SAP30BP: variants seen among roughly 807,000 people sequenced by gnomAD.
The protein encoded by SAP30BP is SAP30 binding protein.
In SAP30BP, 31 loss-of-function variants were observed where a neutral mutation model predicts 46.3. That is an observed-to-expected ratio of 0.67 (90% CI 0.50 to 0.90). The LOEUF (loss-of-function observed/expected upper bound fraction) is 0.90, where lower values mean the gene tolerates loss of function less well. SAP30BP is among the 40% of genes least tolerant of loss of function. The probability of loss-of-function intolerance (pLI) is 0.00; values close to 1 mark genes in which losing one functional copy is unlikely to be tolerated. For missense variants in SAP30BP, 312 were observed against 391.0 expected, an observed-to-expected ratio of 0.80 and a Z score of 1.70; for synonymous variants, 169 against 144.2, an observed-to-expected ratio of 1.17 and a Z score of -1.23.
At chr17:75,680,660 G>A (rs190056009) in intron 3 of SAP30BP, among the ~76,000 whole-genome samples, 1 of 152,348 alleles carries the variant, frequency 6.6e-6, no homozygotes, top group East Asian at 1.9e-4. Flanking sequence ...CCCTTATCCT[G>A]TAGGTTAGAA....
At position 75,681,554 on chromosome 17, in the gene SAP30BP, C is replaced by A. The variant is rs532057917; in HGVS notation, c.264+9691C>A. Among the ~76,000 whole-genome samples the A allele has an allele frequency of 3.9e-5, 6 of 152,332 alleles. No individual in the cohort carries two copies. In the East Asian group the frequency reaches 7.7e-4, roughly 20 times the overall value. On this transcript the variant is annotated intron_variant, in intron 3 of 10. Transcript: ENST00000584667. ...CTTTTGAAGTACCAGAATCAAATAT[C>A]TGAAAACTGCCTAAGGGGCTAATCT...
At chr17:75,674,198 CCTT>C (rs1328102215) in intron 3 of SAP30BP, among the ~76,000 whole-genome samples, 1 of 152,138 alleles carries the variant, frequency 6.6e-6, no homozygotes, top group African/African-American at 2.4e-5. Context: ...GCCCTGTCAT[CCTT>C]CTGCTTGAGC....
At chr17:75,685,759 C>T (rs1420181752) in intron 3 of SAP30BP, among the ~76,000 whole-genome samples, 1 of 152,104 alleles carries the variant, frequency 6.6e-6, no homozygotes, top group African/African-American at 2.4e-5. Context: ...TGTGGGAAGC[C>T]TTGAAGGGAA....
chr17:75,696,547 TAAAAA>T (rs1181756216), intron 4 of SAP30BP, among the ~76,000 whole-genome samples: 1 of 134,816 alleles, frequency 7.4e-6, no homozygotes, highest in African/African-American at 2.7e-5. Flanking sequence ...CCATCTCAAT[TAAAAA>T]AAAAAAAAAG....
At chr17:75,671,087 G>A (rs1403367713) in intron 2 of SAP30BP, among the ~76,000 whole-genome samples, 2 of 152,160 alleles carry the variant, frequency 1.3e-5, no homozygotes, top group Non-Finnish European at 2.9e-5. Flanking sequence ...ATGCCTTACC[G>A]TGTGTGATCC....
At chr17:75,675,455 A>G (rs2059976618) in intron 3 of SAP30BP, among the ~76,000 whole-genome samples, 1 of 152,104 alleles carries the variant, frequency 6.6e-6, no homozygotes, top group Admixed American at 6.6e-5. Context: ...GGCCTCTACT[A>G]TGGTTTTTTA....
intron 3 of SAP30BP, among the ~76,000 whole-genome samples, chr17:75,674,442 G>A (rs1337628994): frequency 1.3e-5 from 2 of 151,594 alleles, no homozygotes; most frequent in African/African-American, 2.4e-5. Flanking sequence ...TTACAGGTGT[G>A]AGCCACCATG....
chr17:75,702,407 G>A, intron 5 of SAP30BP, 73 bp from the exon 6 acceptor site: 1 of 631,604 alleles, frequency 1.6e-6, no homozygotes, highest in Admixed American at 2.4e-5. Flanking sequence ...TGTAGCTGGT[G>A]ACCAGGGGCT....
intron 3 of SAP30BP, among the ~76,000 whole-genome samples, chr17:75,690,495 C>G (rs1042304833): frequency 2.0e-5 from 3 of 152,172 alleles, no homozygotes; most frequent in African/African-American, 7.2e-5. Flanking sequence ...CTCAGGTGAT[C>G]TCTCCTCAGC....
rs928832837 is a variant in SAP30BP, at chr17:75,699,835, G to A, written c.360G>A (p.Pro120=). The change falls in exon 5 of 11, where the codon CCG becomes CCA. Residue 120 remains proline, a synonymous_variant. Transcript: ENST00000584667. ...TGTCGCCTGATGAAATCAAGATCCC[G>A]CCAGAACCCCCTGGCAGATGTTCAA... is the stretch of plus-strand genomic sequence containing the variant. ...RNMSPDEIKI[P]PEPPGRCSNH... The A allele has an allele frequency of 1.4e-5, 22 of 1,612,928 alleles. No homozygotes were observed. Among genetic ancestry groups the A allele is most frequent in the African/African-American group, 4.0e-5 (3 of 74,876 alleles).
chr17:75,688,467 G>T (rs1022020660), intron 3 of SAP30BP, among the ~76,000 whole-genome samples: 1 of 152,064 alleles, frequency 6.6e-6, no homozygotes, highest in Non-Finnish European at 1.5e-5. Context: ...GCTGCCCTGT[G>T]CCCCTGTTCA....
At chr17:75,669,587 C>T (rs563690395) in intron 2 of SAP30BP, among the ~76,000 whole-genome samples, 1 of 152,204 alleles carries the variant, frequency 6.6e-6, no homozygotes, top group South Asian at 2.1e-4. Flanking sequence ...GACGTTGTTT[C>T]ACTATGTTTC....
chr17:75,698,085 G>A (rs1038252450), intron 4 of SAP30BP, among the ~76,000 whole-genome samples: 3 of 152,228 alleles, frequency 2.0e-5, no homozygotes, highest in African/African-American at 4.8e-5. Context: ...TTTGAAGAGC[G>A]CAGACAGAAT....
chr17:75,673,554 A>T (rs1377198185), intron 3 of SAP30BP, among the ~76,000 whole-genome samples: 1 of 152,190 alleles, frequency 6.6e-6, no homozygotes. Flanking sequence ...GTACAGTTGC[A>T]GCCTTTTCTT....
At chr17:75,702,782 T>G in intron 6 of SAP30BP, 1 of 391,232 alleles carries the variant, frequency 2.6e-6, no homozygotes, top group Non-Finnish European at 4.7e-6. Context: ...AAGCAATTCA[T>G]ACCGAGACCT....
chr17:75,684,323 T>C (rs2060126569), intron 3 of SAP30BP: 1 of 152,264 alleles, frequency 6.6e-6, no homozygotes, highest in Admixed American at 6.5e-5. Context: ...GGGTGTCATG[T>C]GGGGTGCTAT....
chr17:75,692,082 A>G, intron 3 of SAP30BP: 1 of 308,258 alleles, frequency 3.2e-6, no homozygotes, highest in Non-Finnish European at 4.8e-6. Context: ...AGTGGCTCGA[A>G]GAGATGGGTT....
At chr17:75,689,592 G>A (rs820219) in intron 3 of SAP30BP, among the ~76,000 whole-genome samples, 146,358 of 152,280 alleles carry the variant, frequency 0.96, 70,609 homozygotes, top group East Asian at 1. Flanking sequence ...CCCTCTGGCT[G>A]ATGTAGACAG....
intron 4 of SAP30BP, 75 bp downstream of exon 4, chr17:75,693,557 C>A: frequency 1.4e-6 from 2 of 1,391,012 alleles, no homozygotes; most frequent in Non-Finnish European, 2.0e-6. Flanking sequence ...CATGCCAGGC[C>A]TGCCGCCCCA....
Sources: allele counts gnomAD v4.1 joint callset (sites outside exome capture counted in the v4.1 genomes callset), GRCh38; gene constraint gnomAD v4.1.1; transcripts MANE v1.5; gene names NCBI Gene and HGNC (gene_info 2026-07-23, HGNC 2026-07-21).